The following DOT1L variants were observed in gnomAD, a reference collection of about 807,000 sequenced individuals.
The protein encoded by DOT1L is DOT1 like histone lysine methyltransferase.
A neutral mutation model predicts 153.3 loss-of-function variants in DOT1L; 33 were observed. That is an observed-to-expected ratio of 0.22 (90% CI 0.16 to 0.29). The LOEUF is 0.29. Among genes scored for constraint, DOT1L ranks in the 10% least tolerant of loss-of-function variants. DOT1L has a pLI of 1.00. For synonymous variants in DOT1L, 1,135 were observed against 965.1 expected, an observed-to-expected ratio of 1.18 and a Z score of -3.26; for missense variants, 1,847 against 2,119.9, an observed-to-expected ratio of 0.87 and a Z score of 2.53.
chr19:2,170,792 G>A (rs2021578109), intron 1 of DOT1L, among the ~76,000 whole-genome samples: 1 of 152,018 alleles, frequency 6.6e-6, no homozygotes, highest in African/African-American at 2.4e-5. Context: ...ACGATCTGTG[G>A]GATGCCCATG....
chr19:2,230,055 A>G lies in DOT1L; in HGVS notation c.*263A>G, dbSNP rs992200096. 1.6e-6 allele frequency: 1 copy of G among 609,352 alleles called. No homozygotes were observed. Among genetic ancestry groups the G allele is most frequent in the African/African-American group, 1.9e-5 (1 of 53,820 alleles). 37.7% of individuals were successfully genotyped at this position (609,352 alleles called of 1,614,324 possible). ...CTTATTTTATTCCATCTAAGTGGTA[A>G]AAGGCAACTTATTGAGAAATATAAA... On this transcript the variant is annotated 3_prime_UTR_variant, in exon 28 of 28. Coordinates refer to ENST00000398665, the MANE Select transcript of DOT1L (RefSeq NM_032482.3).
intron 1 of DOT1L, among the ~76,000 whole-genome samples, chr19:2,171,565 G>A (rs2021623340): frequency 6.6e-6 from 1 of 152,218 alleles, no homozygotes; most frequent in Non-Finnish European, 1.5e-5. Context: ...GGGCGGGCCA[G>A]GAGACGCCAA....
At position 2,214,693 on chromosome 19, in the gene DOT1L, G is replaced by A. The variant is rs2023836375; in HGVS notation, c.1923+97G>A. ...GCCTAGGGTGGTTGCGGTTGCAGCA[G>A]CCTAGGAAGAAGGTGGAGGAGGACA... On this transcript the variant is annotated intron_variant, in intron 19 of 27. Transcript: ENST00000398665. 2.7e-6 allele frequency: 4 copies of A among 1,499,386 alleles called. No individual in the cohort carries two copies. The East Asian group carries it at 7.3e-5, about 27-fold the overall frequency. The allele number at this position is 1,499,386 out of a possible 1,614,324, so 92.9% of individuals were successfully genotyped here.
rs142895997 is a variant in DOT1L, at chr19:2,230,350, C to T, written c.*558C>T. 15 of 412,112 alleles carry T rather than the reference C, an allele frequency of 3.6e-5. No individual in the cohort carries two copies. The highest frequency in any genetic ancestry group is 3.8e-5 in the Non-Finnish European group (9 of 234,820). 25.5% of individuals were successfully genotyped at this position (412,112 alleles called of 1,614,324 possible). A position where few individuals can be genotyped will look rare whatever the true frequency, so the allele number is the denominator to read the frequency against. ...CCCGCGGCCTGAGCCCCTTCCTGAG[C>T]GCCCTGGCGCCTGCCCTGAGCTCTT... On this transcript the variant is annotated 3_prime_UTR_variant, in exon 28 of 28. Coordinates refer to ENST00000398665, the MANE Select transcript of DOT1L (RefSeq NM_032482.3).
At chr19:2,215,882 C>T (rs898265443) in intron 19 of DOT1L, 1 of 174,130 alleles carries the variant, frequency 5.7e-6, no homozygotes, top group Non-Finnish European at 1.2e-5. Flanking sequence ...GTAAACAGAA[C>T]AGATAAACTA....
Position 2,185,899 on chromosome 19 carries a change from A to G in DOT1L, c.170A>G (p.Asn57Ser). The change falls in exon 3 of 28, where the codon AAT (asparagine) becomes AGT (serine). Residue 57 changes from asparagine (N) to serine (S), a missense_variant. Asn to Ser is a conservative substitution (Grantham distance 46, BLOSUM62 1). This residue lies in a region of DOT1L where 148 missense variants were observed against 422.3 expected (regional missense o/e 0.35). Coordinates refer to ENST00000398665, the MANE Select transcript of DOT1L (RefSeq NM_032482.3). The stretch of plus-strand genomic sequence containing the variant: ...CCGGATCTCAAGCTCGCTATGGAGA[A>G]TTACGTTTTAATTGACTATGACACC... Reference protein sequence around the residue: ...EIPDLKLAMENYVLIDYDTKS... With the variant: ...EIPDLKLAMESYVLIDYDTKS... 6.2e-7 allele frequency: 1 copy of G among 1,614,150 alleles called. No homozygotes were observed. Among genetic ancestry groups the G allele is most frequent in the South Asian group, 1.1e-5 (1 of 91,086 alleles).
chr19:2,212,131 T>G, intron 16 of DOT1L: 2 of 334,808 alleles, frequency 6.0e-6, no homozygotes, highest in South Asian at 3.9e-5. Context: ...AGTGCACAGG[T>G]CCCTCCCCCG....
chr19:2,193,904 C>T lies in DOT1L; in HGVS notation c.588+121C>T, dbSNP rs1203492878. The T allele has an allele frequency of 3.9e-6, 4 of 1,037,744 alleles. No homozygotes were observed. Among genetic ancestry groups the T allele is most frequent in the South Asian group, 1.5e-5 (1 of 66,196 alleles). 64.3% of individuals were successfully genotyped at this position (1,037,744 alleles called of 1,614,324 possible). A position where few individuals can be genotyped will look rare whatever the true frequency, so the allele number is the denominator to read the frequency against. ...GAGTCTGGGTGGCGTTCTTTCCAGGCCCAAGACGTCTTGGTTGCCTGCAGC... is the reference window on the plus strand; with the variant it reads ...GAGTCTGGGTGGCGTTCTTTCCAGGTCCAAGACGTCTTGGTTGCCTGCAGC... On this transcript the variant is annotated intron_variant, in intron 6 of 27. Transcript: ENST00000398665. The surrounding 1 kb of genome is among the most constrained non-coding windows in gnomAD (Gnocchi z 5.9).
chr19:2,205,031 C>T (rs946950394), intron 9 of DOT1L, among the ~76,000 whole-genome samples: 14 of 151,824 alleles, frequency 9.2e-5, no homozygotes, highest in African/African-American at 2.9e-4. Flanking sequence ...AGTGCAGTGG[C>T]GCAGTTTCTG....
At chr19:2,170,551 C>A (rs116595981) in intron 1 of DOT1L, among the ~76,000 whole-genome samples, 1,604 of 152,226 alleles carry the variant, frequency 0.011, 32 homozygotes, top group African/African-American at 0.036. Context: ...CAACTCACTT[C>A]CAGCATGTCT....
At chr19:2,211,051 C>T (rs2301800) in intron 14 of DOT1L, 48 bp from the exon 15 acceptor site, 609,155 of 1,568,876 alleles carry the variant, frequency 0.39, 125,471 homozygotes, top group Middle Eastern at 0.46. Flanking sequence ...CTCTGCCCAC[C>T]GCTCTCCCGA....
intron 8 of DOT1L, among the ~76,000 whole-genome samples, chr19:2,201,243 C>T (rs970740657): frequency 1.3e-5 from 2 of 151,086 alleles, no homozygotes; most frequent in African/African-American, 2.4e-5. Context: ...TCCTCGTCCT[C>T]CCCTCATTCC....
At chr19:2,203,301 T>C (rs1217915835) in intron 9 of DOT1L, among the ~76,000 whole-genome samples, 1 of 152,178 alleles carries the variant, frequency 6.6e-6, no homozygotes, top group African/African-American at 2.4e-5. Flanking sequence ...GATTTCACCA[T>C]GTTGGCCAGG....
At chr19:2,194,007 A>T (rs2022909132) in intron 6 of DOT1L, among the ~76,000 whole-genome samples, 1 of 152,022 alleles carries the variant, frequency 6.6e-6, no homozygotes, top group Non-Finnish European at 1.5e-5. Flanking sequence ...CAAGCGCTGC[A>T]GGGGTGTCTC....
At chr19:2,172,614 C>T (rs1001649635) in intron 1 of DOT1L, among the ~76,000 whole-genome samples, 10 of 151,728 alleles carry the variant, frequency 6.6e-5, no homozygotes, top group Admixed American at 2.0e-4. Flanking sequence ...AAGCCATTCT[C>T]CTGCCTCAGC....
chr19:2,186,485 C>T (rs2022512718), intron 3 of DOT1L, among the ~76,000 whole-genome samples: 1 of 120,016 alleles, frequency 8.3e-6, no homozygotes, highest in Admixed American at 8.1e-5. Context: ...AGGCTCATGC[C>T]TTTTTCAGCT....
In DOT1L at chr19:2,217,717, T is replaced by G; in HGVS notation, c.2545-55T>G. ...GCCCCCGTCCTGTGGCTGTGGTCCC[T>G]GTGTCCTGGAGGGGTTTGTTGACCC... On this transcript the variant is annotated intron_variant, in intron 21 of 27. Coordinates refer to ENST00000398665, the MANE Select transcript of DOT1L (RefSeq NM_032482.3). The surrounding 1 kb of genome is among the most constrained non-coding windows in gnomAD (Gnocchi z 7.3). 2 of 1,557,956 alleles carry G rather than the reference T, an allele frequency of 1.3e-6. No homozygotes were observed. The highest frequency in any genetic ancestry group is 2.4e-5 in the South Asian group (2 of 84,838).
chr19:2,185,367 G>A (rs996835517), intron 2 of DOT1L, among the ~76,000 whole-genome samples: 1 of 152,212 alleles, frequency 6.6e-6, no homozygotes, highest in African/African-American at 2.4e-5. Flanking sequence ...TAACAGCTTC[G>A]TGGTAAACAT....
Position 2,230,312 on chromosome 19 carries a change from C to T in DOT1L, c.*520C>T, listed in dbSNP as rs537098217. On this transcript the variant is annotated 3_prime_UTR_variant, in exon 28 of 28. Transcript: ENST00000398665. ...AAGGCAGGCCCGTCGCCACCACATT[C>T]CTCGGAGGCCTCCCCGCGGCCTGAG... is the stretch of plus-strand genomic sequence containing the variant. The T allele has an allele frequency of 4.8e-6, 2 of 416,712 alleles. No homozygotes were observed. The highest frequency in any genetic ancestry group is 2.0e-5 in the African/African-American group (1 of 48,816). The allele number at this position is 416,712 out of a possible 1,614,324, so 25.8% of individuals were successfully genotyped here.
Sources: gnomAD v4.1 joint callset for allele counts (sites outside exome capture counted in the v4.1 genomes callset) on GRCh38, gnomAD v4.1.1 for gene constraint, gnomAD v4.1.1 regional missense constraint, Gnocchi (gnomAD v3.1) non-coding constraint, MANE v1.5 for transcripts, NCBI Gene and HGNC (gene_info 2026-07-23, HGNC 2026-07-21) for gene names.